ZNF385D: variants seen among roughly 807,000 people sequenced by gnomAD.
ZNF385D encodes zinc finger protein 659.
Under a neutral mutation model 35.8 loss-of-function variants are expected in ZNF385D, and 15 were observed. The ratio of observed to expected loss-of-function variants is 0.42; its 90% CI spans 0.28 to 0.64. ZNF385D has a LOEUF of 0.64. Among genes scored for constraint, ZNF385D ranks in the 30% least tolerant of loss-of-function variants. The pLI is 0.23. For synonymous variants in ZNF385D, 212 were observed against 186.8 expected, an observed-to-expected ratio of 1.13 and a Z score of -1.10; for missense variants, 474 against 494.6, an observed-to-expected ratio of 0.96 and a Z score of 0.39.
At chr3:22,001,765 A>T (rs754090869) in intron 3 of ZNF385D, among the ~76,000 whole-genome samples, 1 of 152,048 alleles carries the variant, frequency 6.6e-6, no homozygotes, top group Non-Finnish European at 1.5e-5. Flanking sequence ...TAAATCCTAT[A>T]AAGTATTTTT....
At chr3:21,921,154 C>T (rs921189083) in intron 3 of ZNF385D, among the ~76,000 whole-genome samples, 7 of 134,726 alleles carry the variant, frequency 5.2e-5, no homozygotes, top group South Asian at 2.5e-4. Context: ...ACCCGGGAGG[C>T]GGAGTTTGCA....
chr3:21,458,517 T>C (rs1702968864), intron 4 of ZNF385D, among the ~76,000 whole-genome samples: 1 of 151,200 alleles, frequency 6.6e-6, no homozygotes, highest in Admixed American at 6.6e-5. Context: ...ACCATGTCTC[T>C]AGAAGAAAGG....
intron 2 of ZNF385D, among the ~76,000 whole-genome samples, chr3:21,616,821 A>G (rs1313623516): frequency 6.6e-6 from 1 of 152,196 alleles, no homozygotes; most frequent in Non-Finnish European, 1.5e-5. Context: ...AATTACTAAC[A>G]CAGGTCACTT....
chr3:21,477,890 C>G (rs567035094), intron 4 of ZNF385D, among the ~76,000 whole-genome samples: 57 of 152,114 alleles, frequency 3.7e-4, no homozygotes, highest in Non-Finnish European at 7.4e-4. Flanking sequence ...TTTGTTATCA[C>G]CTACATTTCT....
intron 3 of ZNF385D, among the ~76,000 whole-genome samples, chr3:22,163,142 G>C (rs959300643): frequency 1.3e-5 from 2 of 152,076 alleles, no homozygotes. Context: ...GAGAAGGAAC[G>C]AGCTCAGAGG....
intron 2 of ZNF385D, among the ~76,000 whole-genome samples, chr3:21,623,459 A>C (rs189143457): frequency 6.6e-6 from 1 of 152,172 alleles, no homozygotes; most frequent in Admixed American, 6.6e-5. Context: ...CCTGGACAAC[A>C]TAGCAAGACC....
At chr3:22,341,525 A>C (rs1016270150) in intron 2 of ZNF385D, among the ~76,000 whole-genome samples, 7 of 152,172 alleles carry the variant, frequency 4.6e-5, no homozygotes, top group Non-Finnish European at 7.3e-5. Flanking sequence ...TCAGTCTCCT[A>C]TCTTCAACTA....
chr3:21,470,610 T>G (rs1703821923), intron 4 of ZNF385D, among the ~76,000 whole-genome samples: 1 of 152,152 alleles, frequency 6.6e-6, no homozygotes. Context: ...TTAATTTTTC[T>G]GGGAAAGCAA....
intron 3 of ZNF385D, among the ~76,000 whole-genome samples, chr3:22,013,131 A>G (rs1209272789): frequency 6.6e-6 from 1 of 152,196 alleles, no homozygotes; most frequent in African/African-American, 2.4e-5. Context: ...GCAGAGGTTA[A>G]GGAGAAAGTC....
chr3:22,187,747 G>A (rs551805486), intron 2 of ZNF385D, among the ~76,000 whole-genome samples: 9 of 152,226 alleles, frequency 5.9e-5, no homozygotes, highest in Admixed American at 2.0e-4. Context: ...TAGCAAAGGA[G>A]GCTCAACTGT....
intron 6 of ZNF385D, 147 bp downstream of exon 6, chr3:21,425,345 T>G: frequency 1.5e-6 from 1 of 674,398 alleles, no homozygotes; most frequent in South Asian, 3.8e-5. Flanking sequence ...GGAAGATAAG[T>G]GGGTTAACAG....
intron 1 of ZNF385D, among the ~76,000 whole-genome samples, chr3:21,698,147 CAT>C (rs751527846): frequency 2.0e-5 from 3 of 152,260 alleles, no homozygotes; most frequent in East Asian, 1.9e-4. Context: ...CACCTGCACA[CAT>C]ATGTTTATTG....
chr3:21,690,599 T>A (rs533314663), intron 1 of ZNF385D, among the ~76,000 whole-genome samples: 13 of 152,300 alleles, frequency 8.5e-5, no homozygotes, highest in Admixed American at 4.6e-4. Context: ...TCCTCTTTCT[T>A]TATCTTCCAC....
chr3:21,980,260 G>C (rs1295096749), intron 3 of ZNF385D, among the ~76,000 whole-genome samples: 6 of 152,138 alleles, frequency 3.9e-5, no homozygotes, highest in African/African-American at 1.4e-4. Flanking sequence ...ATTCAGCACT[G>C]TCCAATAACT....
chr3:22,075,369 A>G (rs770930752), intron 3 of ZNF385D, among the ~76,000 whole-genome samples: 6 of 151,784 alleles, frequency 4.0e-5, no homozygotes, highest in Admixed American at 6.6e-5. Context: ...TCATTCTTCA[A>G]TTTCACTCTA....
At chr3:22,236,743 A>G (rs913050454) in intron 2 of ZNF385D, among the ~76,000 whole-genome samples, 1 of 152,124 alleles carries the variant, frequency 6.6e-6, no homozygotes, top group Non-Finnish European at 1.5e-5. Flanking sequence ...GCAACTAGTA[A>G]TCTACTTTCT....
At chr3:22,195,116 T>G (rs530930251) in intron 2 of ZNF385D, among the ~76,000 whole-genome samples, 1 of 151,926 alleles carries the variant, frequency 6.6e-6, no homozygotes, top group South Asian at 2.1e-4. Context: ...TTGCTCCCCA[T>G]TGTCATTAGC....
intron 2 of ZNF385D, among the ~76,000 whole-genome samples, chr3:22,268,257 C>A (rs544639789): frequency 6.6e-6 from 1 of 151,966 alleles, no homozygotes; most frequent in South Asian, 2.1e-4. Context: ...CAGCCATGTT[C>A]TTTGAAAGAA....
chr3:21,592,575 A>C (rs560056854), intron 2 of ZNF385D, among the ~76,000 whole-genome samples: 2 of 151,038 alleles, frequency 1.3e-5, no homozygotes, highest in South Asian at 2.1e-4. Flanking sequence ...AAAAAAAAAA[A>C]CAATTATTGC....
Sources: gnomAD v4.1 joint callset for allele counts (sites outside exome capture counted in the v4.1 genomes callset) on GRCh38, gnomAD v4.1.1 for gene constraint, MANE v1.5 for transcripts, NCBI Gene and HGNC (gene_info 2026-07-23, HGNC 2026-07-21) for gene names.